Variants in ZNF385D observed in about 807,000 individuals in gnomAD.
The protein encoded by ZNF385D is zinc finger protein 385D.
A neutral mutation model predicts 35.8 loss-of-function variants in ZNF385D; 15 were observed. That is an observed-to-expected ratio of 0.42 (90% CI 0.28 to 0.64). The LOEUF (loss-of-function observed/expected upper bound fraction) is 0.64, where lower values mean the gene tolerates loss of function less well. Ranked by LOEUF, ZNF385D falls within the 30% of genes least tolerant of loss-of-function variation. ZNF385D has a pLI of 0.23. For synonymous variants in ZNF385D, 212 were observed against 186.8 expected, an observed-to-expected ratio of 1.13 and a Z score of -1.10; for missense variants, 474 against 494.6, an observed-to-expected ratio of 0.96 and a Z score of 0.39.
intron 2 of ZNF385D, among the ~76,000 whole-genome samples, chr3:21,660,885 A>G (rs556900293): frequency 1.2e-4 from 19 of 152,316 alleles, no homozygotes; most frequent in African/African-American, 4.3e-4. Flanking sequence ...CTGATTCTGC[A>G]TAGTGCTTTT....
At chr3:21,481,304 T>C (rs1336223715) in intron 4 of ZNF385D, among the ~76,000 whole-genome samples, 4 of 152,200 alleles carry the variant, frequency 2.6e-5, no homozygotes, top group East Asian at 1.9e-4. Context: ...AATGCAGATA[T>C]TGAAACTGCA....
intron 4 of ZNF385D, among the ~76,000 whole-genome samples, chr3:21,500,313 A>G (rs71310260): frequency 6.6e-6 from 1 of 152,178 alleles, no homozygotes; most frequent in African/African-American, 2.4e-5. Flanking sequence ...CAAAAATAAT[A>G]CAGTACTATT....
intron 3 of ZNF385D, among the ~76,000 whole-genome samples, chr3:22,110,788 T>TAA (rs72518246): frequency 0.14 from 19,620 of 140,836 alleles, 1,491 homozygotes; most frequent in Middle Eastern, 0.22. Flanking sequence ...TAAAGTATAA[T>TAA]AAAAAAAAAA....
chr3:21,476,825 T>G (rs1704278594), intron 4 of ZNF385D, among the ~76,000 whole-genome samples: 1 of 152,066 alleles, frequency 6.6e-6, no homozygotes, highest in Non-Finnish European at 1.5e-5. Context: ...TCCAGGAAGC[T>G]CTCCTTCTTT....
At chr3:21,718,051 C>A (rs2068392458) in intron 1 of ZNF385D, among the ~76,000 whole-genome samples, 1 of 152,120 alleles carries the variant, frequency 6.6e-6, no homozygotes, top group Non-Finnish European at 1.5e-5. Flanking sequence ...TTCTATCAAG[C>A]CCCCAGGTGA....
chr3:21,690,075 C>T (rs2054945), intron 1 of ZNF385D, among the ~76,000 whole-genome samples: 82,954 of 151,728 alleles, frequency 0.55, 23,862 homozygotes, highest in Non-Finnish European at 0.64. Context: ...TTATTCTAGC[C>T]GTAAAATGTG....
At chr3:21,940,699 A>G (rs187415678) in intron 3 of ZNF385D, among the ~76,000 whole-genome samples, 3 of 152,324 alleles carry the variant, frequency 2.0e-5, no homozygotes, top group East Asian at 3.9e-4. Context: ...AATAAAAAGT[A>G]TAAGTTAGGC....
chr3:21,460,155 A>G (rs140005358), intron 4 of ZNF385D, among the ~76,000 whole-genome samples: 1 of 152,102 alleles, frequency 6.6e-6, no homozygotes, highest in African/African-American at 2.4e-5. Context: ...TTTCATGCTT[A>G]GATGCTCTTC....
In ZNF385D at chr3:22,220,948, A is replaced by G. The variant is rs564597352; in HGVS notation, c.107-51913T>C. 1.4e-4 allele frequency among the ~76,000 whole-genome samples: 22 copies of G among 152,324 alleles called. No homozygotes were observed. The South Asian group carries it at 4.6e-3, about 32-fold the overall frequency. On this transcript the variant is annotated intron_variant, in intron 2 of 5. Transcript: ENST00000494108. The stretch of plus-strand genomic sequence containing the variant: ...TTTTCTTTTTTAAACTTTCCCTTGG[A>G]AAGAACTGATTCTCATATGGAGAAA...
chr3:22,003,820 T>C (rs1217668396), intron 3 of ZNF385D, among the ~76,000 whole-genome samples: 2 of 151,210 alleles, frequency 1.3e-5, no homozygotes, highest in Non-Finnish European at 2.9e-5. Flanking sequence ...TGAGCCAAGA[T>C]TGCACCACTG....
intron 2 of ZNF385D, among the ~76,000 whole-genome samples, chr3:22,263,710 G>A (rs957609939): frequency 5.3e-5 from 8 of 151,868 alleles, no homozygotes; most frequent in Admixed American, 1.3e-4. Flanking sequence ...TTGGTTACTC[G>A]AAAGCAGTGA....
At chr3:21,425,360 G>T in intron 6 of ZNF385D, 132 bp downstream of exon 6, 4 of 864,330 alleles carry the variant, frequency 4.6e-6, no homozygotes, top group Non-Finnish European at 6.6e-6. Flanking sequence ...TAACAGATGG[G>T]CAGATGGAGG....
intron 3 of ZNF385D, among the ~76,000 whole-genome samples, chr3:22,011,217 C>T (rs1576148135): frequency 6.6e-6 from 1 of 151,706 alleles, no homozygotes; most frequent in South Asian, 2.1e-4. Flanking sequence ...AAAAAGCCAC[C>T]AATGAGAGAA....
intron 3 of ZNF385D, among the ~76,000 whole-genome samples, chr3:22,049,410 GTTCT>G (rs1456944178): frequency 6.6e-6 from 1 of 152,000 alleles, no homozygotes; most frequent in Non-Finnish European, 1.5e-5. Flanking sequence ...CTAATAGGGT[GTTCT>G]TTTTTTTTGG....
intron 1 of ZNF385D, among the ~76,000 whole-genome samples, chr3:21,705,535 G>T (rs1452245072): frequency 6.6e-6 from 1 of 152,278 alleles, no homozygotes; most frequent in East Asian, 1.9e-4. Context: ...TTCAATTTGT[G>T]TAATGTAGTC....
chr3:21,425,749 A>G, intron 5 of ZNF385D, 79 bp from the exon 6 acceptor site: 3 of 1,376,144 alleles, frequency 2.2e-6, no homozygotes, highest in Non-Finnish European at 2.9e-6. Flanking sequence ...ATGGGAGGAA[A>G]AAAATCTTAG....
chr3:22,023,125 A>G (rs1030915420), intron 3 of ZNF385D, among the ~76,000 whole-genome samples: 1 of 152,132 alleles, frequency 6.6e-6, no homozygotes, highest in Non-Finnish European at 1.5e-5. Flanking sequence ...TGTCTTATGG[A>G]GGGCACAGAA....
intron 3 of ZNF385D, chr3:21,561,879 T>A (rs972924364): frequency 2.6e-5 from 4 of 152,172 alleles, no homozygotes; most frequent in African/African-American, 4.8e-5. Flanking sequence ...AACCAAAATG[T>A]GATGCAGAGA....
intron 6 of ZNF385D, 145 bp from the exon 7 acceptor site, chr3:21,424,209 T>C (rs1575118451): frequency 3.9e-6 from 2 of 517,752 alleles, no homozygotes; most frequent in Admixed American, 4.8e-5. Flanking sequence ...ACTTTTGTCC[T>C]GAGATTCTGA....
Sources: gnomAD v4.1 joint callset for allele counts (sites outside exome capture counted in the v4.1 genomes callset) on GRCh38, gnomAD v4.1.1 for gene constraint, MANE v1.5 for transcripts, NCBI Gene and HGNC (gene_info 2026-07-23, HGNC 2026-07-21) for gene names.